Variants in ERBB4 observed in about 807,000 individuals in gnomAD.
ERBB4 encodes receptor tyrosine-protein kinase erbB-4.
ERBB4 carries 42 observed loss-of-function variants against 158.0 expected under a neutral mutation model. The observed-to-expected ratio is 0.27, with a 90% CI of 0.21 to 0.34. The LOEUF (loss-of-function observed/expected upper bound fraction) is 0.34. Among genes scored for constraint, ERBB4 ranks in the 10% least tolerant of loss-of-function variants. The pLI is 1.00. For missense variants in ERBB4, 1,333 were observed against 1,624.1 expected, an observed-to-expected ratio of 0.82 and a Z score of 3.08; for synonymous variants, 583 against 558.7, an observed-to-expected ratio of 1.04 and a Z score of -0.61.
chr2:211,873,829 T>C (rs1011747580), intron 3 of ERBB4, among the ~76,000 whole-genome samples: 7 of 150,784 alleles, frequency 4.6e-5, no homozygotes, highest in African/African-American at 1.7e-4. Context: ...TTTCTGGAAG[T>C]AAAATAATTG....
intron 20 of ERBB4, among the ~76,000 whole-genome samples, chr2:211,441,714 A>G (rs903873463): frequency 6.6e-6 from 1 of 152,082 alleles, no homozygotes; most frequent in African/African-American, 2.4e-5. Context: ...ATGCCCTTCC[A>G]TCCTCCTTAC....
intron 1 of ERBB4, among the ~76,000 whole-genome samples, chr2:212,515,213 G>T (rs1691756035): frequency 6.6e-6 from 1 of 152,212 alleles, no homozygotes; most frequent in Admixed American, 6.5e-5. Context: ...ATTAATTTAT[G>T]AAAAACATTT....
At chr2:212,202,127 T>C (rs1221648461) in intron 1 of ERBB4, among the ~76,000 whole-genome samples, 1 of 152,146 alleles carries the variant, frequency 6.6e-6, no homozygotes, top group East Asian at 1.9e-4. Flanking sequence ...ATAAATCCAT[T>C]TAAGCAAATA....
intron 20 of ERBB4, among the ~76,000 whole-genome samples, chr2:211,458,417 C>T (rs1443744010): frequency 6.6e-6 from 1 of 152,088 alleles, no homozygotes; most frequent in Non-Finnish European, 1.5e-5. Flanking sequence ...CAGGCACGTG[C>T]CATCACGCAC....
chr2:211,446,069 G>A (rs923797147), intron 20 of ERBB4, among the ~76,000 whole-genome samples: 1 of 152,094 alleles, frequency 6.6e-6, no homozygotes, highest in African/African-American at 2.4e-5. Flanking sequence ...TATTTTTCTT[G>A]GTAAATTGCG....
At chr2:212,438,185 T>C (rs2092178447) in intron 1 of ERBB4, among the ~76,000 whole-genome samples, 1 of 151,968 alleles carries the variant, frequency 6.6e-6, no homozygotes, top group South Asian at 2.1e-4. Flanking sequence ...AGATGTGATA[T>C]AACATTCTAT....
At chr2:211,755,304 C>A (rs2075264728) in intron 4 of ERBB4, among the ~76,000 whole-genome samples, 1 of 152,120 alleles carries the variant, frequency 6.6e-6, no homozygotes, top group South Asian at 2.1e-4. Context: ...GAGTTCCAAA[C>A]CAGCTTGGGC....
chr2:211,550,181 T>C (rs539088424), intron 20 of ERBB4, among the ~76,000 whole-genome samples: 1 of 152,080 alleles, frequency 6.6e-6, no homozygotes, highest in Non-Finnish European at 1.5e-5. Flanking sequence ...AGTAAGAACA[T>C]TGAGATTTAC....
rs548013434 is a variant in ERBB4 at position 212,387,983 on chromosome 2, G to A, written c.82+150466C>T. On this transcript the variant is annotated intron_variant, in intron 1 of 27. Transcript: ENST00000342788. Reference sequence around the variant, plus strand: ...CTGATCTCTTGAGGCTCACCACCTAGAAGTAATATCAGTATTAGAATTTTC... The same window carrying A: ...CTGATCTCTTGAGGCTCACCACCTAAAAGTAATATCAGTATTAGAATTTTC... Among the ~76,000 whole-genome samples, 5 of 152,112 alleles carry A rather than the reference G, an allele frequency of 3.3e-5. No individual in the cohort carries two copies. The South Asian group carries it at 1.0e-3, about 32-fold the overall frequency.
intron 20 of ERBB4, among the ~76,000 whole-genome samples, chr2:211,436,479 T>A (rs1301398608): frequency 6.6e-6 from 1 of 152,172 alleles, no homozygotes; most frequent in Non-Finnish European, 1.5e-5. Flanking sequence ...TAAATGGGCA[T>A]AACAGCACCT....
chr2:212,099,282 C>CA (rs1261869701), intron 2 of ERBB4, among the ~76,000 whole-genome samples: 2 of 151,902 alleles, frequency 1.3e-5, no homozygotes, highest in Admixed American at 6.6e-5. Flanking sequence ...GCTACTGCTT[C>CA]AAAAAATTCT....
chr2:212,072,458 G>A (rs1415414921), intron 2 of ERBB4, among the ~76,000 whole-genome samples: 2 of 151,858 alleles, frequency 1.3e-5, no homozygotes, highest in African/African-American at 4.8e-5. Flanking sequence ...CCCTCTCTCT[G>A]ACAGCTCCAC....
intron 1 of ERBB4, among the ~76,000 whole-genome samples, chr2:212,185,973 A>G (rs1035811102): frequency 6.6e-6 from 1 of 152,196 alleles, no homozygotes; most frequent in Admixed American, 6.6e-5. Context: ...TAATTATCCT[A>G]CAACTTAAAG....
intron 2 of ERBB4, among the ~76,000 whole-genome samples, chr2:212,122,045 TTA>T (rs34626056): frequency 0.11 from 16,238 of 148,694 alleles, 1,895 homozygotes; most frequent in African/African-American, 0.3. Flanking sequence ...TATTTTATAT[TTA>T]TATATATATA....
chr2:211,905,615 T>C (rs2079358513), intron 3 of ERBB4, among the ~76,000 whole-genome samples: 1 of 136,912 alleles, frequency 7.3e-6, no homozygotes, highest in African/African-American at 2.7e-5. Flanking sequence ...TATATATACC[T>C]ATGACATGAA....
intron 4 of ERBB4, among the ~76,000 whole-genome samples, chr2:211,772,956 T>TATATATATATA (rs1491260097): frequency 1.4e-4 from 11 of 76,306 alleles, no homozygotes; most frequent in African/African-American, 6.6e-4. Flanking sequence ...TATATATATA[T>TATATATATATA]TTTTTTTTTT....
intron 3 of ERBB4, among the ~76,000 whole-genome samples, chr2:211,904,560 A>C (rs1177177598): frequency 6.6e-6 from 1 of 152,170 alleles, no homozygotes; most frequent in Non-Finnish European, 1.5e-5. Context: ...TTTAAACATA[A>C]TATATGTATA....
chr2:211,587,290 G>T (rs887658400), intron 19 of ERBB4, among the ~76,000 whole-genome samples: 1 of 152,060 alleles, frequency 6.6e-6, no homozygotes, highest in African/African-American at 2.4e-5. Context: ...GGGAGGCAGA[G>T]GCTGCAGTGA....
At chr2:211,427,359 A>C (rs377656131) in intron 22 of ERBB4, among the ~76,000 whole-genome samples, 3 of 152,110 alleles carry the variant, frequency 2.0e-5, no homozygotes, top group East Asian at 1.9e-4. Context: ...AGAAATGCTA[A>C]TTTTATATGA....
Sources: allele counts gnomAD v4.1 joint callset (sites outside exome capture counted in the v4.1 genomes callset), GRCh38; gene constraint gnomAD v4.1.1; transcripts MANE v1.5; gene names NCBI Gene and HGNC (gene_info 2026-07-23, HGNC 2026-07-21).